Variants in BTBD7 observed in about 807,000 individuals in gnomAD.
BTBD7 encodes the protein BTB domain containing 7.
A neutral mutation model predicts 99.9 loss-of-function variants in BTBD7; 38 were observed. The observed-to-expected ratio is 0.38, with a 90% CI of 0.29 to 0.50. The LOEUF (loss-of-function observed/expected upper bound fraction) is 0.50. Among genes scored for constraint, BTBD7 ranks in the 20% least tolerant of loss-of-function variants. The probability of loss-of-function intolerance (pLI) is 0.93; values close to 1 mark genes in which losing one functional copy is unlikely to be tolerated. For synonymous variants in BTBD7, 520 were observed against 511.4 expected (o/e 1.02, Z -0.23); for missense variants, 1,170 against 1,394.6 (o/e 0.84, Z 2.57).
rs751213966 is a variant in BTBD7 at position 93,242,319 on chromosome 14, C to G, written c.3353G>C (p.Arg1118Thr). ...EREDSISRGR[R>T]SPSKPDFLYK... ...GAGGAAGTCCGGCTTGCTTGGTGACCTCCTTCCTCTGCTTATTGAATCTTC... is the reference window on the plus strand; with the variant it reads ...GAGGAAGTCCGGCTTGCTTGGTGACGTCCTTCCTCTGCTTATTGAATCTTC... Residue 1118 changes from arginine (R) to threonine (T), a missense_variant, in exon 11 of 11, where the codon AGG (arginine) becomes ACG (threonine). Arg to Thr is a moderately conservative substitution (Grantham distance 71). Around this residue, in one of 4 missense-constraint regions of BTBD7, gnomAD observed 495 missense variants for 525.9 expected, o/e 0.94. Transcript: ENST00000334746. The G allele has an allele frequency of 2.5e-6, 4 of 1,614,058 alleles. No individual in the cohort carries two copies. In the African/African-American group the frequency reaches 5.3e-5, roughly 22 times the overall value.
chr14:93,303,491 G>A (rs1185981388), intron 1 of BTBD7, among the ~76,000 whole-genome samples: 2 of 151,942 alleles, frequency 1.3e-5, no homozygotes, highest in African/African-American at 2.4e-5. Context: ...ACTGCCACTC[G>A]GAAAGCAGAA....
intron 1 of BTBD7, among the ~76,000 whole-genome samples, chr14:93,300,118 C>T (rs1032586082): frequency 2.0e-5 from 3 of 152,024 alleles, no homozygotes; most frequent in Admixed American, 6.6e-5. Flanking sequence ...ATGTAGGACA[C>T]GTCACATGTA....
rs1306971886 is a variant in BTBD7, at chr14:93,243,018, T to C, written c.2654A>G (p.Asp885Gly). 6 of 1,614,014 alleles carry C rather than the reference T, an allele frequency of 3.7e-6. No individual in the cohort carries two copies. In the South Asian group the frequency reaches 6.6e-5, roughly 18 times the overall value. The change falls in exon 11 of 11, where the codon GAC (aspartate) becomes GGC (glycine). Residue 885 changes from aspartate (D) to glycine (G), a missense_variant. Transcript: ENST00000334746. ...TACAGCAAGCTCTGGAAGCCTCCTGTCCTTGAGTGACAGTGTGGACACACC... is the reference window on the plus strand; with the variant it reads ...TACAGCAAGCTCTGGAAGCCTCCTGCCCTTGAGTGACAGTGTGGACACACC... ...AVGVSTLSLKDRRLPELAVDT... is the reference protein window; with the variant it reads ...AVGVSTLSLKGRRLPELAVDT...
At chr14:93,248,222 C>A (rs574257846) in intron 9 of BTBD7, among the ~76,000 whole-genome samples, 1 of 152,294 alleles carries the variant, frequency 6.6e-6, no homozygotes, top group Admixed American at 6.5e-5. Context: ...TTAAGTAACT[C>A]ATTCCAAGTT....
Position 93,242,616 on chromosome 14 carries a change from C to G in BTBD7, c.3056G>C (p.Arg1019Thr), listed in dbSNP as rs528317023. The G allele has an allele frequency of 3.7e-6, 6 of 1,614,152 alleles. No homozygotes were observed. The African/African-American group carries it at 8.0e-5, about 22-fold the overall frequency. The change falls in exon 11 of 11, where the codon AGA becomes ACA. Residue 1019 changes from arginine (R) to threonine (T), a missense_variant. Around this residue, in one of 4 missense-constraint regions of BTBD7, gnomAD observed 495 missense variants for 525.9 expected, o/e 0.94. Transcript: ENST00000334746. The part of the protein sequence containing the change: ...YPLSPDGHLH[R>T]QKNEPIHLDV... ...CAGGTGTATCGGCTCATTCTTTTGT[C>G]TGTGTAGATGCCCGTCAGGGGAAAG... is the stretch of plus-strand genomic sequence containing the variant.
intron 1 of BTBD7, among the ~76,000 whole-genome samples, chr14:93,300,701 AAT>A (rs2052984444): frequency 8.1e-6 from 1 of 123,022 alleles, no homozygotes; most frequent in Non-Finnish European, 1.7e-5. Context: ...ATGCCCAGCT[AAT>A]TTGTGTGTGT....
intron 3 of BTBD7, among the ~76,000 whole-genome samples, chr14:93,292,501 G>T (rs1474215730): frequency 6.6e-6 from 1 of 151,964 alleles, no homozygotes; most frequent in Non-Finnish European, 1.5e-5. Context: ...ATGACATTTT[G>T]GTTGTTGTAA....
intron 3 of BTBD7, among the ~76,000 whole-genome samples, chr14:93,271,568 C>G (rs1482265973): frequency 6.6e-6 from 1 of 152,028 alleles, no homozygotes; most frequent in Non-Finnish European, 1.5e-5. Flanking sequence ...TTCTTACTAA[C>G]CAGTACATGA....
intron 1 of BTBD7, among the ~76,000 whole-genome samples, chr14:93,321,143 GACACACTACATGA>G (rs1420737413): frequency 9.9e-5 from 15 of 152,126 alleles, no homozygotes; most frequent in African/African-American, 3.6e-4. Context: ...TGCATTTACT[GACACACTACATGA>G]AAGGTACTGA....
chr14:93,250,093 T>A (rs1322576187), intron 8 of BTBD7, among the ~76,000 whole-genome samples: 1 of 152,160 alleles, frequency 6.6e-6, no homozygotes, highest in East Asian at 1.9e-4. Flanking sequence ...TCCAAAGTCA[T>A]ACAAAGTAAC....
intron 3 of BTBD7, among the ~76,000 whole-genome samples, chr14:93,283,329 T>C (rs866730376): frequency 1.3e-5 from 2 of 152,294 alleles, no homozygotes; most frequent in South Asian, 4.1e-4. Context: ...CCATCCGCCA[T>C]GGCCTCCCAA....
chr14:93,290,144 C>T (rs1019212455), intron 3 of BTBD7, among the ~76,000 whole-genome samples: 41 of 151,766 alleles, frequency 2.7e-4, no homozygotes, highest in East Asian at 3.9e-4. Flanking sequence ...TTTGAGCCAC[C>T]GCACCTGGCA....
intron 3 of BTBD7, among the ~76,000 whole-genome samples, chr14:93,273,907 A>T (rs1491002531): frequency 6.6e-6 from 1 of 152,228 alleles, no homozygotes; most frequent in Admixed American, 6.5e-5. Flanking sequence ...ACACTCGTAC[A>T]AGTGGATCCT....
chr14:93,306,971 C>A lies in BTBD7; in HGVS notation c.-106-10814G>T, dbSNP rs370501211. 4.7e-3 allele frequency among the ~76,000 whole-genome samples: 720 copies of A among 152,230 alleles called. 4 individuals are homozygous for A. The highest frequency in any genetic ancestry group is 0.016 in the African/African-American group (675 of 41,536). On this transcript the variant is annotated intron_variant, in intron 1 of 10. Transcript: ENST00000334746. ...ATATCCTTTGGGTTCACTGTACATG[C>A]CCCTCTGCCAAGAAAATAACATTTC...
chr14:93,244,855 C>CTT (rs58775665), intron 10 of BTBD7, among the ~76,000 whole-genome samples: 5,850 of 107,334 alleles, frequency 0.055, 513 homozygotes, highest in African/African-American at 0.14. Context: ...TCTTACAAAT[C>CTT]TTTTTTTTTT....
intron 3 of BTBD7, among the ~76,000 whole-genome samples, chr14:93,282,899 G>A (rs2052737483): frequency 1.3e-5 from 2 of 152,110 alleles, no homozygotes; most frequent in Non-Finnish European, 1.5e-5. Context: ...ATATATAAAT[G>A]GTGGTATGTG....
chr14:93,332,665 C>A (rs2053460262), intron 1 of BTBD7, among the ~76,000 whole-genome samples, 155 bp downstream of exon 1: 1 of 151,612 alleles, frequency 6.6e-6, no homozygotes. Context: ...ACGACTGGCC[C>A]CTCCCCGCCC....
chr14:93,333,024 C>T lies in BTBD7; in HGVS notation c.-311G>A, dbSNP rs2053477304. On this transcript the variant is annotated 5_prime_UTR_variant, in exon 1 of 11. Coordinates refer to ENST00000334746, the MANE Select transcript of BTBD7 (RefSeq NM_001002860.4). ...GTTCCCCTCGCCGCCATTTTGACTC[C>T]TAGACGGAGCAGGAGGGGCTCGGTT... The T allele has an allele frequency of 1.6e-5, 8 of 514,012 alleles. No homozygotes were observed. The East Asian group carries it at 2.8e-4, about 18-fold the overall frequency. The allele number at this position is 514,012 out of a possible 1,614,324, so 31.8% of individuals were successfully genotyped here. A position where few individuals can be genotyped will look rare whatever the true frequency, so the allele number is the denominator to read the frequency against.
In BTBD7 at chr14:93,325,106, A is replaced by ATT. The variant is rs34523849; in HGVS notation, c.-107+7712_-107+7713dup. Among the ~76,000 whole-genome samples the ATT allele has an allele frequency of 8.9e-3, 943 of 105,486 alleles. 25 individuals carry two copies. The highest frequency in any genetic ancestry group is 0.01 in the African/African-American group (268 of 26,216). The allele number at this position is 105,486 out of a possible 152,430, so 69.2% of individuals were successfully genotyped here. The stretch of plus-strand genomic sequence containing the variant: ...TTAAGTAGAGAAGCAGCATGCTCCA[A>ATT]TTTTTTTTTTTTTTTTTTTTTTTTT... On this transcript the variant is annotated intron_variant, in intron 1 of 10. Coordinates refer to ENST00000334746, the MANE Select transcript of BTBD7 (RefSeq NM_001002860.4).
Sources: gnomAD v4.1 joint callset for allele counts (sites outside exome capture counted in the v4.1 genomes callset) on GRCh38, gnomAD v4.1.1 for gene constraint, gnomAD v4.1.1 regional missense constraint, MANE v1.5 for transcripts, NCBI Gene and HGNC (gene_info 2026-07-23, HGNC 2026-07-21) for gene names.